SLC2A9: variants seen among roughly 807,000 people sequenced by gnomAD.
The protein encoded by SLC2A9 is solute carrier family 2 member 9.
In SLC2A9, 39 loss-of-function variants were observed where a neutral mutation model predicts 50.6. The ratio of observed to expected loss-of-function variants is 0.77; its 90% CI spans 0.60 to 1.01. The LOEUF (loss-of-function observed/expected upper bound fraction) is 1.01, where lower values mean the gene tolerates loss of function less well. Among genes scored for constraint, SLC2A9 ranks in the 50% least tolerant of loss-of-function variants. The pLI, the probability that SLC2A9 is intolerant of heterozygous loss-of-function variation, is 0.00. For synonymous variants in SLC2A9, 324 were observed against 276.9 expected, an observed-to-expected ratio of 1.17 and a Z score of -1.69; for missense variants, 686 against 677.6, an observed-to-expected ratio of 1.01 and a Z score of -0.14.
intron 6 of SLC2A9, among the ~76,000 whole-genome samples, chr4:9,921,865 C>A (rs1004790057): frequency 6.6e-6 from 1 of 152,116 alleles, no homozygotes; most frequent in African/African-American, 2.4e-5. Flanking sequence ...AAAACTATTT[C>A]TTTCCTTCAT....
intron 10 of SLC2A9, among the ~76,000 whole-genome samples, chr4:9,862,775 T>TTA (rs981534869): frequency 2.6e-5 from 4 of 152,022 alleles, no homozygotes; most frequent in African/African-American, 9.7e-5. Context: ...CTTACCCTGT[T>TTA]TATTCCTTCC....
chr4:9,961,656 C>A (rs1752291341), intron 5 of SLC2A9, among the ~76,000 whole-genome samples: 1 of 152,098 alleles, frequency 6.6e-6, no homozygotes, highest in Non-Finnish European at 1.5e-5. Flanking sequence ...TAGGCATGGG[C>A]AAAGATTTCA....
chr4:9,781,890 A>T lies in SLC2A9; in HGVS notation n.386-1825T>A. ...CCCCGCGCGCTCCGCAGCCCGGCGC[A>T]GCTCATGGTGAGCGCCCTCTGGGGC... On this transcript the variant is annotated intron_variant and non_coding_transcript_variant, in intron 3 of 3. Transcript: ENST00000503803. 7.1e-6 allele frequency: 5 copies of T among 707,888 alleles called. 1 individual carries two copies. In the South Asian group the frequency reaches 1.5e-4, roughly 22 times the overall value. The allele number at this position is 707,888 out of a possible 1,614,324, so 43.9% of individuals were successfully genotyped here.
chr4:9,914,625 C>A (rs771793447), intron 7 of SLC2A9, among the ~76,000 whole-genome samples: 37 of 152,324 alleles, frequency 2.4e-4, no homozygotes, highest in Admixed American at 2.6e-4. Flanking sequence ...CATCTAACGT[C>A]CCCTCTCTGT....
At chr4:9,836,771 G>A (rs1027855020) in intron 10 of SLC2A9, among the ~76,000 whole-genome samples, 2 of 152,226 alleles carry the variant, frequency 1.3e-5, no homozygotes, top group African/African-American at 4.8e-5. Flanking sequence ...GGGTGTAGGA[G>A]AGGATGCAGC....
chr4:9,985,563 G>T, intron 4 of SLC2A9, 106 bp downstream of exon 4: 1 of 1,478,230 alleles, frequency 6.8e-7, no homozygotes, highest in Non-Finnish European at 9.3e-7. Context: ...CCAAGTCAAT[G>T]CCAGCAGAGA....
chr4:9,980,732 C>T lies in SLC2A9; in HGVS notation c.541G>A (p.Ala181Thr), dbSNP rs766425306. The change falls in exon 5 of 12, where the codon GCC (alanine) becomes ACC (threonine). Residue 181 changes from alanine (A) to threonine (T), a missense_variant. Physicochemically the swap from Ala to Thr is moderately conservative, Grantham distance 58. Coordinates refer to ENST00000264784, the MANE Select transcript of SLC2A9 (RefSeq NM_020041.3). Reference sequence around the variant, plus strand: ...AGGTACATGGGGAGCACACTGAGGGCGACGCCTGTAGAGAGAAAGCATAGC... The same window carrying T: ...AGGTACATGGGGAGCACACTGAGGGTGACGCCTGTAGAGAGAAAGCATAGC... ...RFIMGIDGGV[A>T]LSVLPMYLSE... 2.0e-5 allele frequency: 33 copies of T among 1,614,028 alleles called. No individual in the cohort carries two copies. Among genetic ancestry groups the T allele is most frequent in the African/African-American group, 2.0e-4 (15 of 74,924 alleles).
intron 10 of SLC2A9, among the ~76,000 whole-genome samples, chr4:9,855,901 G>A (rs10032756): frequency 1.3e-5 from 2 of 151,922 alleles, no homozygotes; most frequent in East Asian, 3.8e-4. Context: ...GGATAATTGG[G>A]GAACTATATG....
At chr4:9,947,638 G>T (rs1187599230) in intron 5 of SLC2A9, among the ~76,000 whole-genome samples, 1 of 152,150 alleles carries the variant, frequency 6.6e-6, no homozygotes, top group Non-Finnish European at 1.5e-5. Flanking sequence ...CTGAGAGCAG[G>T]CCTTTCGTAT....
intron 7 of SLC2A9, among the ~76,000 whole-genome samples, chr4:9,913,840 C>G (rs1194668641): frequency 6.6e-6 from 1 of 152,216 alleles, no homozygotes; most frequent in East Asian, 1.9e-4. Flanking sequence ...GCTGTCTAAT[C>G]CAGCTCCACT....
intron 10 of SLC2A9, among the ~76,000 whole-genome samples, chr4:9,840,524 A>G (rs573573714): frequency 3.9e-4 from 59 of 152,352 alleles, no homozygotes; most frequent in African/African-American, 1.3e-3. Flanking sequence ...AAAGCATGCA[A>G]CATGACAAAG....
chr4:9,890,233 G>A (rs1317605803), intron 9 of SLC2A9, among the ~76,000 whole-genome samples: 1 of 152,194 alleles, frequency 6.6e-6, no homozygotes, highest in East Asian at 1.9e-4. Flanking sequence ...TGGCTGATAT[G>A]CAGCACCTGG....
chr4:9,839,257 A>C (rs1560175166), intron 10 of SLC2A9, among the ~76,000 whole-genome samples: 1 of 152,246 alleles, frequency 6.6e-6, no homozygotes, highest in Non-Finnish European at 1.5e-5. Flanking sequence ...TGATCATTAG[A>C]GAAATGTAAA....
chr4:9,992,023 G>A (rs1757797309), intron 3 of SLC2A9, among the ~76,000 whole-genome samples: 1 of 152,206 alleles, frequency 6.6e-6, no homozygotes, highest in Non-Finnish European at 1.5e-5. Flanking sequence ...GCCTTTTAAA[G>A]GGTTGAAGTA....
chr4:9,896,362 T>C (rs766493226), intron 8 of SLC2A9, among the ~76,000 whole-genome samples: 2 of 152,218 alleles, frequency 1.3e-5, no homozygotes, highest in Non-Finnish European at 2.9e-5. Context: ...AGTAACAATG[T>C]TGAAGATCTT....
At chr4:9,915,584 G>T (rs1405771090) in intron 7 of SLC2A9, among the ~76,000 whole-genome samples, 1 of 152,186 alleles carries the variant, frequency 6.6e-6, no homozygotes, top group East Asian at 1.9e-4. Context: ...CCACTCTACA[G>T]CTGGGGAAAC....
At chr4:9,849,789 A>C (rs913136235) in intron 10 of SLC2A9, among the ~76,000 whole-genome samples, 1 of 152,336 alleles carries the variant, frequency 6.6e-6, no homozygotes, top group Admixed American at 6.5e-5. Flanking sequence ...TGGTGAGTTA[A>C]GCACACTCAG....
intron 5 of SLC2A9, among the ~76,000 whole-genome samples, chr4:9,973,310 A>G (rs2109024135): frequency 6.6e-6 from 1 of 152,250 alleles, no homozygotes; most frequent in African/African-American, 2.4e-5. Flanking sequence ...TAAAAAACCT[A>G]CCAACCAATA....
chr4:9,932,257 C>T lies in SLC2A9; in HGVS notation c.814+9656G>A, dbSNP rs555246970. Among the ~76,000 whole-genome samples, 10 of 151,990 alleles carry T rather than the reference C, an allele frequency of 6.6e-5. No homozygotes were observed. In the South Asian group the frequency reaches 1.0e-3, roughly 16 times the overall value. Reference sequence around the variant, plus strand: ...TGTACTACAGAGCTTTAAGCAGCAGCGTGCTACAGACTGTACTCAGCCTTT... The same window carrying T: ...TGTACTACAGAGCTTTAAGCAGCAGTGTGCTACAGACTGTACTCAGCCTTT... On this transcript the variant is annotated intron_variant, in intron 6 of 11. Coordinates refer to ENST00000264784, the MANE Select transcript of SLC2A9 (RefSeq NM_020041.3).
Sources: gnomAD v4.1 joint callset for allele counts (sites outside exome capture counted in the v4.1 genomes callset) on GRCh38, gnomAD v4.1.1 for gene constraint, MANE v1.5 for transcripts, NCBI Gene and HGNC (gene_info 2026-07-23, HGNC 2026-07-21) for gene names.